The following CCDC7 variants were observed in gnomAD, a reference collection of about 807,000 sequenced individuals.
CCDC7 encodes the protein coiled-coil domain-containing protein 7.
Under a neutral mutation model 196.9 loss-of-function variants are expected in CCDC7, and 183 were observed. The ratio of observed to expected loss-of-function variants is 0.93; its 90% CI spans 0.82 to 1.05. The LOEUF (loss-of-function observed/expected upper bound fraction) is 1.05, where lower values mean the gene tolerates loss of function less well. Among genes scored for constraint, CCDC7 ranks in the 50% least tolerant of loss-of-function variants. The pLI is 0.00. For missense variants in CCDC7, 1,540 were observed against 1,482.2 expected (o/e 1.04, Z -0.64); for synonymous variants, 525 against 484.6 (o/e 1.08, Z -1.10).
intron 27 of CCDC7, 89 bp from the exon 29 acceptor site, chr10:32,729,243 T>C: frequency 7.7e-7 from 1 of 1,294,778 alleles, no homozygotes; most frequent in Non-Finnish European, 1.1e-6. Context: ...ATTCACATGA[T>C]TTTCTCATTT....
chr10:32,477,836 T>C (rs1042441344), intron 8 of CCDC7, among the ~76,000 whole-genome samples: 1 of 152,210 alleles, frequency 6.6e-6, no homozygotes, highest in Non-Finnish European at 1.5e-5. Flanking sequence ...TATTAAACTT[T>C]ATAAACTTTA....
intron 33 of CCDC7, among the ~76,000 whole-genome samples, chr10:32,837,511 G>C (rs2092695839): frequency 6.6e-6 from 1 of 152,206 alleles, no homozygotes; most frequent in African/African-American, 2.4e-5. Context: ...GTGGAAGACA[G>C]TGTGGTGATT....
intron 11 of CCDC7, among the ~76,000 whole-genome samples, chr10:32,533,255 A>ACACG (rs2049972186): frequency 6.6e-6 from 1 of 151,120 alleles, no homozygotes. Context: ...AAACACACAC[A>ACACG]CACACACACA....
chr10:32,775,147 C>A (rs1428726682), intron 28 of CCDC7, among the ~76,000 whole-genome samples: 4 of 152,128 alleles, frequency 2.6e-5, no homozygotes, highest in Non-Finnish European at 5.9e-5. Flanking sequence ...GCTATAAAGG[C>A]ATATTAGGCA....
chr10:32,717,982 G>T (rs1475267595), intron 25 of CCDC7, among the ~76,000 whole-genome samples: 1 of 151,372 alleles, frequency 6.6e-6, no homozygotes, highest in Non-Finnish European at 1.5e-5. Context: ...CATTTCTTCT[G>T]AAACTATTCC....
intron 41 of CCDC7, among the ~76,000 whole-genome samples, chr10:32,869,106 A>T (rs1046043605): frequency 6.6e-6 from 1 of 152,122 alleles, no homozygotes; most frequent in African/African-American, 2.4e-5. Flanking sequence ...GCTGGGTCAA[A>T]TGGTATTTCT....
chr10:32,472,431 T>C (rs1174629048), intron 6 of CCDC7, 50 bp from the exon 8 acceptor site: 3 of 1,486,712 alleles, frequency 2.0e-6, no homozygotes, highest in Non-Finnish European at 2.7e-6. Flanking sequence ...TAATTTAAAC[T>C]CTTACTCTTT....
intron 18 of CCDC7, among the ~76,000 whole-genome samples, chr10:32,607,063 G>A (rs1052202458): frequency 6.6e-6 from 1 of 152,160 alleles, no homozygotes; most frequent in Non-Finnish European, 1.5e-5. Flanking sequence ...GTGGCTTGGT[G>A]CCGTTCTCAC....
chr10:32,529,809 C>T (rs1452081150), intron 11 of CCDC7, among the ~76,000 whole-genome samples: 1 of 152,082 alleles, frequency 6.6e-6, no homozygotes, highest in Non-Finnish European at 1.5e-5. Context: ...GTTTTTGTTG[C>T]ATTTGCTTTT....
chr10:32,698,116 G>T (rs2078033349), intron 24 of CCDC7, among the ~76,000 whole-genome samples: 1 of 152,134 alleles, frequency 6.6e-6, no homozygotes, highest in Non-Finnish European at 1.5e-5. Context: ...TAAGGGTCCT[G>T]ACTGTTAGAA....
chr10:32,646,867 G>T (rs1226368551), intron 20 of CCDC7, among the ~76,000 whole-genome samples: 1 of 152,090 alleles, frequency 6.6e-6, no homozygotes. Context: ...ATTTGTTTAG[G>T]ATTATGCCCT....
chr10:32,823,227 C>T (rs1170206728), intron 31 of CCDC7, among the ~76,000 whole-genome samples: 1 of 151,952 alleles, frequency 6.6e-6, no homozygotes, highest in Non-Finnish European at 1.5e-5. Flanking sequence ...ACCACAACCT[C>T]CGCCTCCCAG....
intron 28 of CCDC7, among the ~76,000 whole-genome samples, chr10:32,752,929 G>A (rs143468314): frequency 9.8e-4 from 149 of 152,088 alleles, no homozygotes; most frequent in African/African-American, 2.5e-3. Flanking sequence ...CTTGTATTTA[G>A]TCCACTGACT....
intron 20 of CCDC7, among the ~76,000 whole-genome samples, chr10:32,642,248 G>A (rs994083703): frequency 1.2e-4 from 19 of 152,340 alleles, no homozygotes; most frequent in Non-Finnish European, 2.2e-4. Context: ...GCCCCCAGAG[G>A]TGGAGTCTAC....
At chr10:32,850,642 A>G (rs1457328551) in intron 39 of CCDC7, among the ~76,000 whole-genome samples, 1 of 152,152 alleles carries the variant, frequency 6.6e-6, no homozygotes, top group Non-Finnish European at 1.5e-5. Flanking sequence ...GGACCCCACA[A>G]ATTCTTATCC....
At chr10:32,696,631 A>G (rs776945630) in intron 24 of CCDC7, among the ~76,000 whole-genome samples, 1 of 152,170 alleles carries the variant, frequency 6.6e-6, no homozygotes, top group East Asian at 1.9e-4. Flanking sequence ...ATTGAGCCCA[A>G]AATGGCACAC....
chr10:32,814,106 C>T (rs537475714), intron 30 of CCDC7, among the ~76,000 whole-genome samples: 21 of 152,168 alleles, frequency 1.4e-4, no homozygotes, highest in East Asian at 3.9e-4. Flanking sequence ...TACAGGCATG[C>T]GCCACCACAC....
intron 11 of CCDC7, among the ~76,000 whole-genome samples, chr10:32,539,322 C>T (rs73253415): frequency 0.018 from 2,665 of 152,004 alleles, 83 homozygotes; most frequent in African/African-American, 0.061. Context: ...TGCATAGAGG[C>T]GATCATAGTA....
chr10:32,763,127 A>G (rs2077713981), intron 28 of CCDC7, among the ~76,000 whole-genome samples: 1 of 152,034 alleles, frequency 6.6e-6, no homozygotes, highest in African/African-American at 2.4e-5. Flanking sequence ...TAAGCAGTTG[A>G]TATTCAAAAT....
Sources: gnomAD v4.1 joint callset for allele counts (sites outside exome capture counted in the v4.1 genomes callset) on GRCh38, gnomAD v4.1.1 for gene constraint, MANE v1.5 for transcripts, NCBI Gene and HGNC (gene_info 2026-07-23, HGNC 2026-07-21) for gene names.